The following AP3B1 variants were observed in gnomAD, a reference collection of about 807,000 sequenced individuals.
The protein encoded by AP3B1 is adaptor related protein complex 3 subunit beta 1.
AP3B1 carries 61 observed loss-of-function variants against 132.5 expected under a neutral mutation model. That is an observed-to-expected ratio of 0.46 (90% CI 0.37 to 0.57). AP3B1 has a LOEUF of 0.57. AP3B1 is among the 20% of genes least tolerant of loss of function. The probability of loss-of-function intolerance (pLI) is 0.00; values close to 1 mark genes in which losing one functional copy is unlikely to be tolerated. For missense variants in AP3B1, 1,120 were observed against 1,289.4 expected (o/e 0.87, Z 2.01); for synonymous variants, 388 against 438.3 (o/e 0.89, Z 1.43).
At chr5:78,293,107 G>A (rs1178219095) in intron 1 of AP3B1, among the ~76,000 whole-genome samples, 1 of 152,092 alleles carries the variant, frequency 6.6e-6, no homozygotes, top group Non-Finnish European at 1.5e-5. Context: ...TCGAACTCCT[G>A]GCCTCAAGCG....
intron 21 of AP3B1, among the ~76,000 whole-genome samples, chr5:78,098,963 T>A (rs1423707866): frequency 6.6e-6 from 1 of 152,244 alleles, no homozygotes; most frequent in Non-Finnish European, 1.5e-5. Flanking sequence ...TGAACATTTA[T>A]GTCCCTCCAA....
chr5:78,091,773 G>A (rs1227462823), intron 21 of AP3B1, among the ~76,000 whole-genome samples: 1 of 152,168 alleles, frequency 6.6e-6, no homozygotes, highest in Non-Finnish European at 1.5e-5. Flanking sequence ...ACAGAGGAAT[G>A]ACAATGAATA....
At chr5:78,119,159 G>C (rs1752023390) in intron 17 of AP3B1, among the ~76,000 whole-genome samples, 1 of 152,156 alleles carries the variant, frequency 6.6e-6, no homozygotes, top group Non-Finnish European at 1.5e-5. Context: ...CTAACAAACA[G>C]AAAGGACATC....
intron 14 of AP3B1, among the ~76,000 whole-genome samples, chr5:78,154,539 T>A (rs540592509): frequency 1.1e-4 from 16 of 152,188 alleles, no homozygotes; most frequent in Non-Finnish European, 2.1e-4. Flanking sequence ...AAACTTTCCA[T>A]CCCTGCCCCT....
intron 11 of AP3B1, among the ~76,000 whole-genome samples, chr5:78,167,191 T>C (rs1034771788): frequency 6.6e-6 from 1 of 151,614 alleles, no homozygotes; most frequent in South Asian, 2.1e-4. Context: ...AGGATATGAA[T>C]AGACAATTCT....
intron 7 of AP3B1, among the ~76,000 whole-genome samples, chr5:78,199,083 G>A (rs754002686): frequency 2.2e-4 from 33 of 152,054 alleles, no homozygotes; most frequent in Non-Finnish European, 4.1e-4. Flanking sequence ...GAGGACCATT[G>A]AACACTGAAT....
intron 22 of AP3B1, among the ~76,000 whole-genome samples, chr5:78,067,190 T>C (rs1224545724): frequency 1.3e-5 from 2 of 152,104 alleles, no homozygotes; most frequent in Admixed American, 1.3e-4. Flanking sequence ...TACATAATGG[T>C]AAAAGGCTCA....
At chr5:78,284,446 C>T (rs906646621) in intron 1 of AP3B1, among the ~76,000 whole-genome samples, 6 of 152,162 alleles carry the variant, frequency 3.9e-5, no homozygotes, top group African/African-American at 1.2e-4. Flanking sequence ...TACATAACCT[C>T]ATTTGTATAC....
intron 14 of AP3B1, among the ~76,000 whole-genome samples, chr5:78,148,237 A>T (rs1198657632): frequency 6.6e-6 from 1 of 152,124 alleles, no homozygotes; most frequent in Non-Finnish European, 1.5e-5. Context: ...AGTACTTATA[A>T]TTGCCTCTTC....
At chr5:78,122,192 T>C (rs1341446060) in intron 17 of AP3B1, among the ~76,000 whole-genome samples, 1 of 152,240 alleles carries the variant, frequency 6.6e-6, no homozygotes, top group East Asian at 1.9e-4. Flanking sequence ...TGATGGGATG[T>C]ATCTCAAAAT....
intron 21 of AP3B1, among the ~76,000 whole-genome samples, chr5:78,096,981 C>T (rs1407262818): frequency 7.1e-6 from 1 of 139,882 alleles, no homozygotes; most frequent in Non-Finnish European, 1.6e-5. Context: ...AGTCCCTCTG[C>T]CCGGCCAGCC....
At chr5:78,012,626 A>G (rs939371784) in intron 26 of AP3B1, among the ~76,000 whole-genome samples, 3 of 152,252 alleles carry the variant, frequency 2.0e-5, no homozygotes, top group African/African-American at 7.2e-5. Context: ...AAGTATCTAC[A>G]GGTATTTTAT....
intron 22 of AP3B1, among the ~76,000 whole-genome samples, chr5:78,060,546 A>G (rs1749001973): frequency 6.6e-6 from 1 of 152,194 alleles, no homozygotes. Flanking sequence ...AGCATTAGTA[A>G]TTCCTTCTGT....
intron 17 of AP3B1, among the ~76,000 whole-genome samples, chr5:78,118,864 G>A (rs1361353215): frequency 1.3e-5 from 2 of 152,186 alleles, no homozygotes; most frequent in African/African-American, 4.8e-5. Flanking sequence ...CTGAGAACGG[G>A]CAGACTGCCT....
At chr5:78,078,748 C>G (rs1346543094) in intron 22 of AP3B1, among the ~76,000 whole-genome samples, 1 of 152,196 alleles carries the variant, frequency 6.6e-6, no homozygotes, top group Non-Finnish European at 1.5e-5. Context: ...TGTGAGCTCC[C>G]TTAGGAAGGG....
chr5:78,263,655 T>G (rs781612619), intron 2 of AP3B1, among the ~76,000 whole-genome samples: 9 of 152,216 alleles, frequency 5.9e-5, no homozygotes, highest in Non-Finnish European at 1.3e-4. Context: ...AACAGATAGG[T>G]TGAGGTAGTT....
At chr5:78,143,785 G>C (rs930929502) in intron 14 of AP3B1, among the ~76,000 whole-genome samples, 1 of 152,082 alleles carries the variant, frequency 6.6e-6, no homozygotes, top group Non-Finnish European at 1.5e-5. Context: ...AGGCTGAGGC[G>C]GGTGGATCAC....
chr5:78,126,409 G>A (rs746645646), intron 17 of AP3B1, among the ~76,000 whole-genome samples: 5 of 147,586 alleles, frequency 3.4e-5, no homozygotes, highest in Non-Finnish European at 4.4e-5. Flanking sequence ...GGAAGCTAAC[G>A]CAGGAGAATC....
At chr5:78,034,287 G>T in intron 24 of AP3B1, 74 bp downstream of exon 24, 1 of 1,116,532 alleles carries the variant, frequency 9.0e-7, no homozygotes, top group Non-Finnish European at 1.4e-6. Flanking sequence ...ACACACAAAA[G>T]CTGTTGAAAG....
Sources: allele counts gnomAD v4.1 joint callset (sites outside exome capture counted in the v4.1 genomes callset), GRCh38; gene constraint gnomAD v4.1.1; transcripts MANE v1.5; gene names NCBI Gene and HGNC (gene_info 2026-07-23, HGNC 2026-07-21).